Variants in METTL23 observed in about 807,000 individuals in gnomAD.
METTL23 encodes the protein methyltransferase 23, arginine, also known as histone-arginine methyltransferase METTL23.
Under a neutral mutation model 21.2 loss-of-function variants are expected in METTL23, and 24 were observed. The observed-to-expected ratio is 1.13, with a 90% CI of 0.82 to 1.59. METTL23 has a LOEUF of 1.59. Among genes scored for constraint, METTL23 ranks in the 40% most tolerant of loss-of-function variants. The pLI is 0.00. For missense variants in METTL23, 276 were observed against 221.4 expected, an observed-to-expected ratio of 1.25 and a Z score of -1.57; for synonymous variants, 97 against 75.2, an observed-to-expected ratio of 1.29 and a Z score of -1.50.
rs57510814 is a variant in METTL23, at chr17:76,732,850, T to C, written c.85-128T>C. On this transcript the variant is annotated intron_variant, in intron 2 of 4. Coordinates refer to ENST00000341249, the MANE Select transcript of METTL23 (RefSeq NM_001080510.5). ...TAATGTTCAGTTACGGTACATTTTA[T>C]ACAAACCCAGAAAGACTGACTCTAT... 1.0e-2 allele frequency: 7,500 copies of C among 750,052 alleles called. 280 individuals are homozygous for C. The highest frequency in any genetic ancestry group is 0.094 in the African/African-American group (5,336 of 57,014). 46.5% of individuals were successfully genotyped at this position (750,052 alleles called of 1,614,324 possible). A position where few individuals can be genotyped will look rare whatever the true frequency, so the allele number is the denominator to read the frequency against.
intron 2 of METTL23, among the ~76,000 whole-genome samples, chr17:76,732,383 C>T (rs1015904472): frequency 1.3e-5 from 2 of 152,078 alleles, no homozygotes; most frequent in Non-Finnish European, 2.9e-5. Flanking sequence ...CGCCTGTAAT[C>T]CCAGCTACTT....
chr17:76,727,284 G>C (rs1298875466), intron 1 of METTL23, 106 bp downstream of exon 1: 2 of 347,284 alleles, frequency 5.8e-6, no homozygotes, highest in African/African-American at 2.2e-5. Context: ...CAGCTGCGCA[G>C]CTTCCTGCTT....
chr17:76,733,506 CTTT>C lies in METTL23; in HGVS notation c.408-6_408-4del. On this transcript the variant is annotated splice_polypyrimidine_tract_variant and intron_variant, in intron 4 of 4. Coordinates refer to ENST00000341249, the MANE Select transcript of METTL23 (RefSeq NM_001080510.5). Reference sequence around the variant, plus strand: ...AAAAGGCATGACTTTAAAAGAACAACTTTTTTTTTTTAAGTGCTGACTGGTCAC... The same window carrying C: ...AAAAGGCATGACTTTAAAAGAACAACTTTTTTTTAAGTGCTGACTGGTCAC... The C allele has an allele frequency of 3.2e-6, 4 of 1,255,784 alleles. No homozygotes were observed. The highest frequency in any genetic ancestry group is 4.4e-6 in the Non-Finnish European group (4 of 906,040). 77.8% of individuals were successfully genotyped at this position (1,255,784 alleles called of 1,614,324 possible).
intron 2 of METTL23, among the ~76,000 whole-genome samples, chr17:76,731,675 C>G (rs2077213457): frequency 6.6e-6 from 1 of 152,234 alleles, no homozygotes; most frequent in Non-Finnish European, 1.5e-5. Context: ...CCAATTTTAT[C>G]ACATTTGCAG....
Position 76,733,022 on chromosome 17 carries a change from T to C in METTL23, c.129T>C (p.Cys43=). The C allele has an allele frequency of 6.3e-7, 1 of 1,595,158 alleles. No homozygotes were observed. Among genetic ancestry groups the C allele is most frequent in the Non-Finnish European group, 8.5e-7 (1 of 1,169,888 alleles). ...VSLPGILAAK[C]GAEVILSDSS... ...TTCCAGGAATTTTGGCTGCCAAATG[T>C]GGTGCAGAAGTAATACTGTCAGACA... Residue 43 remains cysteine (C), a synonymous_variant, in exon 3 of 5, where the codon TGT becomes TGC. Coordinates refer to ENST00000341249, the MANE Select transcript of METTL23 (RefSeq NM_001080510.5).
intron 2 of METTL23, among the ~76,000 whole-genome samples, chr17:76,731,374 TCAGA>T (rs368179201): frequency 6.6e-5 from 10 of 152,218 alleles, no homozygotes; most frequent in African/African-American, 1.9e-4. Flanking sequence ...GAATTCTGGT[TCAGA>T]CAGTGTCCTC....
chr17:76,732,987 G>T lies in METTL23; in HGVS notation c.94G>T (p.Gly32Ter). ...PGKAILEIGA[G>*]VSLPGILAAK... is the part of the protein sequence containing the mutation. ...TTTCATAACTTATTAGATTGGAGCT[G>T]GAGTGAGCCTTCCAGGAATTTTGGC... Residue 32 changes from glycine to a stop codon, truncating the protein, a stop_gained, in exon 3 of 5, where the codon GGA becomes TGA. Transcript: ENST00000341249. LOFTEE classifies it high-confidence loss of function. 6.4e-7 allele frequency: 1 copy of T among 1,573,778 alleles called. No individual in the cohort carries two copies. Among genetic ancestry groups the T allele is most frequent in the Non-Finnish European group, 8.6e-7 (1 of 1,158,246 alleles).
In METTL23 at chr17:76,732,992, G is replaced by A. The variant is rs560745177; in HGVS notation, c.99G>A (p.Val33=). The A allele has an allele frequency of 5.1e-6, 8 of 1,576,828 alleles. No individual in the cohort carries two copies. The highest frequency in any genetic ancestry group is 2.3e-5 in the South Asian group (2 of 86,350). ...TAACTTATTAGATTGGAGCTGGAGT[G>A]AGCCTTCCAGGAATTTTGGCTGCCA... ...GKAILEIGAG[V]SLPGILAAKC... The change falls in exon 3 of 5, where the codon GTG becomes GTA. Residue 33 remains valine, a synonymous_variant. Coordinates refer to ENST00000341249, the MANE Select transcript of METTL23 (RefSeq NM_001080510.5).
intron 1 of METTL23, chr17:76,727,501 G>C (rs1430769062): frequency 5.8e-6 from 1 of 173,146 alleles, no homozygotes; most frequent in Non-Finnish European, 1.3e-5. Flanking sequence ...CGCCGGGCCG[G>C]CTTTCTCCAC....
chr17:76,729,016 G>A (rs894576920), intron 1 of METTL23, among the ~76,000 whole-genome samples: 4 of 150,282 alleles, frequency 2.7e-5, no homozygotes, highest in Non-Finnish European at 5.9e-5. Context: ...AGCCAGGATG[G>A]TCTCGATCTC....
At chr17:76,729,403 G>A (rs1291304295) in intron 1 of METTL23, among the ~76,000 whole-genome samples, 1 of 152,122 alleles carries the variant, frequency 6.6e-6, no homozygotes, top group Non-Finnish European at 1.5e-5. Flanking sequence ...TATCTTATTT[G>A]CTTGCTCGTT....
At chr17:76,729,861 T>C in intron 2 of METTL23, 67 bp downstream of exon 2, 4 of 1,134,868 alleles carry the variant, frequency 3.5e-6, no homozygotes, top group Middle Eastern at 1.9e-4. Flanking sequence ...GACATGTGTA[T>C]ATTGCTTGTT....
Position 76,733,601 on chromosome 17 carries a change from A to T in METTL23, c.488A>T (p.Asp163Val), listed in dbSNP as rs373373417. ...ATTCCTCTTGAGTCTTTTGATGCAG[A>T]CAAAGAAGATATAGCAGAATCTACC... The part of the protein sequence containing the change: ...VHIPLESFDA[D>V]KEDIAESTLP... The change falls in exon 5 of 5, where the codon GAC (aspartate) becomes GTC (valine). Residue 163 changes from aspartate to valine, a missense_variant. Physicochemically the swap from Asp to Val is radical, Grantham distance 152 (BLOSUM62 -3). Coordinates refer to ENST00000341249, the MANE Select transcript of METTL23 (RefSeq NM_001080510.5). The T allele has an allele frequency of 6.2e-7, 1 of 1,613,930 alleles. No homozygotes were observed. The highest frequency in any genetic ancestry group is 8.5e-7 in the Non-Finnish European group (1 of 1,179,868).
chr17:76,733,240 C>T (rs899987753), intron 3 of METTL23, 25 bp downstream of exon 3: 28 of 1,610,998 alleles, frequency 1.7e-5, no homozygotes, highest in Non-Finnish European at 2.3e-5. Flanking sequence ...CTCAATAGTA[C>T]ATTTGGCCAG....
chr17:76,733,048 G>C lies in METTL23; in HGVS notation c.155G>C (p.Ser52Thr). 6.2e-7 allele frequency: 1 copy of C among 1,603,708 alleles called. No homozygotes were observed. Among genetic ancestry groups the C allele is most frequent in the Non-Finnish European group, 8.5e-7 (1 of 1,174,560 alleles). The change falls in exon 3 of 5, where the codon AGC becomes ACC. Residue 52 changes from serine to threonine, a missense_variant. Ser to Thr is a moderately conservative substitution (Grantham distance 58). Transcript: ENST00000341249. ...GGTGCAGAAGTAATACTGTCAGACA[G>C]CTCAGAACTGCCTCACTGTCTGGAA... ...KCGAEVILSD[S>T]SELPHCLEVC...
chr17:76,727,111 G>T lies in METTL23; in HGVS notation c.-89G>T, dbSNP rs976822893. 2.2e-6 allele frequency: 1 copy of T among 453,444 alleles called. No homozygotes were observed. Among genetic ancestry groups the T allele is most frequent in the East Asian group, 7.0e-5 (1 of 14,310 alleles). 28.1% of individuals were successfully genotyped at this position (453,444 alleles called of 1,614,324 possible). A position where few individuals can be genotyped will look rare whatever the true frequency, so the allele number is the denominator to read the frequency against. On this transcript the variant is annotated 5_prime_UTR_variant, in exon 1 of 5. Coordinates refer to ENST00000341249, the MANE Select transcript of METTL23 (RefSeq NM_001080510.5). ...CGAGGACAGGGGGTCCGGGCCCAGC[G>T]CTTTCGATTCTCGGAGGAGCCGGGT...
chr17:76,733,169 A>G lies in METTL23; in HGVS notation c.276A>G (p.Pro92=). 1 of 1,613,900 alleles carries G rather than the reference A, an allele frequency of 6.2e-7. No individual in the cohort carries two copies. The highest frequency in any genetic ancestry group is 8.5e-7 in the Non-Finnish European group (1 of 1,179,830). ...TATCTTGGGATCTTCTGGCTCTACC[A>G]CCACAAGATATTATCCTTGCATCTG... ...GHISWDLLAL[P]PQDIILASDV... is the part of the protein sequence containing the mutation. The change falls in exon 3 of 5, where the codon CCA becomes CCG. Residue 92 remains proline (P), a synonymous_variant. Transcript: ENST00000341249.
rs1016012315 is a variant in METTL23 at position 76,726,970 on chromosome 17, G to C, written c.-230G>C. ...TGGGCTTTCCCCTTCTTGCCGTCAG[G>C]TGCTACGGCCACGTGGCCCGCGGCT... On this transcript the variant is annotated 5_prime_UTR_variant, in exon 1 of 5. Transcript: ENST00000341249. 27 of 456,568 alleles carry C rather than the reference G, an allele frequency of 5.9e-5. No homozygotes were observed. Among genetic ancestry groups the C allele is most frequent in the Non-Finnish European group, 9.7e-5 (22 of 226,948 alleles). The allele number at this position is 456,568 out of a possible 1,614,324, so 28.3% of individuals were successfully genotyped here.
In METTL23 at chr17:76,733,217, T is replaced by C. The variant is rs1165218801; in HGVS notation, c.322+2T>C. On this transcript the variant is annotated splice_donor_variant, in intron 3 of 4. Coordinates refer to ENST00000341249, the MANE Select transcript of METTL23 (RefSeq NM_001080510.5). LOFTEE classifies it high-confidence loss of function. ...CTGATGTGTTCTTTGAACCAGAAGG[T>C]AAGCTTTTTTGGCTCAATAGTACAT... 1.2e-6 allele frequency: 2 copies of C among 1,613,470 alleles called. No homozygotes were observed. The highest frequency in any genetic ancestry group is 4.5e-5 in the East Asian group (2 of 44,884).
Sources: gnomAD v4.1 joint callset for allele counts (sites outside exome capture counted in the v4.1 genomes callset) on GRCh38, gnomAD v4.1.1 for gene constraint, MANE v1.5 for transcripts, NCBI Gene and HGNC (gene_info 2026-07-23, HGNC 2026-07-21) for gene names.